The following CCDC7 variants were observed in gnomAD, a reference collection of about 807,000 sequenced individuals.
CCDC7 encodes coiled-coil domain-containing protein 7.
A neutral mutation model predicts 196.9 loss-of-function variants in CCDC7; 183 were observed. The ratio of observed to expected loss-of-function variants is 0.93; its 90% CI spans 0.82 to 1.05. The LOEUF (loss-of-function observed/expected upper bound fraction) is 1.05. CCDC7 is among the 50% of genes least tolerant of loss of function. CCDC7 has a pLI of 0.00. For synonymous variants in CCDC7, 525 were observed against 484.6 expected (o/e 1.08, Z -1.10); for missense variants, 1,540 against 1,482.2 (o/e 1.04, Z -0.64).
chr10:32,853,686 C>T (rs898146829), intron 40 of CCDC7, among the ~76,000 whole-genome samples: 2 of 152,100 alleles, frequency 1.3e-5, no homozygotes, highest in African/African-American at 2.4e-5. Context: ...AGTATCTCCT[C>T]CTTAATTATA....
At chr10:32,601,038 C>T (rs1422365765) in intron 18 of CCDC7, among the ~76,000 whole-genome samples, 1 of 152,076 alleles carries the variant, frequency 6.6e-6, no homozygotes, top group Non-Finnish European at 1.5e-5. Flanking sequence ...CATCCCACTG[C>T]CTCTGGCCTC....
intron 18 of CCDC7, among the ~76,000 whole-genome samples, chr10:32,619,907 T>C (rs2063198610): frequency 7.7e-6 from 1 of 129,556 alleles, no homozygotes; most frequent in African/African-American, 2.8e-5. Flanking sequence ...CCCTTCAATG[T>C]ACCTTTTTTT....
At chr10:32,469,236 CAG>C (rs60368499) in intron 5 of CCDC7, among the ~76,000 whole-genome samples, 6,769 of 152,196 alleles carry the variant, frequency 0.044, 503 homozygotes, top group African/African-American at 0.15. Context: ...ATTATTGTAA[CAG>C]AGGAATATCT....
chr10:32,672,751 G>A (rs910549496), intron 21 of CCDC7, among the ~76,000 whole-genome samples: 1 of 152,132 alleles, frequency 6.6e-6, no homozygotes, highest in Non-Finnish European at 1.5e-5. Flanking sequence ...TGGTGTCTAA[G>A]ATATGCTGAC....
chr10:32,587,458 T>G (rs1040673094), intron 18 of CCDC7, among the ~76,000 whole-genome samples: 11 of 152,234 alleles, frequency 7.2e-5, no homozygotes, highest in Admixed American at 1.3e-4. Flanking sequence ...ACTTACCCCC[T>G]CCTACAATAA....
chr10:32,709,071 C>G (rs1304563381), intron 24 of CCDC7, among the ~76,000 whole-genome samples: 2 of 152,080 alleles, frequency 1.3e-5, no homozygotes, highest in Non-Finnish European at 2.9e-5. Context: ...GGAACCAACC[C>G]AAATGTCCCT....
chr10:32,804,396 A>T (rs575586658), intron 29 of CCDC7, among the ~76,000 whole-genome samples: 20 of 152,296 alleles, frequency 1.3e-4, no homozygotes, highest in African/African-American at 4.6e-4. Flanking sequence ...CGAGGTCCAC[A>T]TGGTAAAGGG....
In CCDC7 at chr10:32,702,186, T is replaced by G. The variant is rs886303763; in HGVS notation, c.2458+7194T>G. ...CTATAAATTTCCCTCTACACACTGC[T>G]TTGAATGTGTCCCAGAGATTCTGGT... is the stretch of plus-strand genomic sequence containing the variant. On this transcript the variant is annotated intron_variant, in intron 24 of 41. Transcript: ENST00000639629. Among the ~76,000 whole-genome samples the G allele has an allele frequency of 2.7e-4, 41 of 152,240 alleles. 1 individual carries two copies. Among genetic ancestry groups the G allele is most frequent in the Non-Finnish European group, 1.3e-4 (9 of 68,046 alleles).
At chr10:32,666,136 T>C (rs1387487046) in intron 21 of CCDC7, among the ~76,000 whole-genome samples, 1 of 123,744 alleles carries the variant, frequency 8.1e-6, no homozygotes, top group African/African-American at 3.1e-5. Context: ...TTTTTTTTTT[T>C]CATTGACAAA....
exon 2 of CCDC7, chr10:32,453,415 A>G (rs760411137): frequency 1.3e-6 from 2 of 1,548,606 alleles, no homozygotes; most frequent in South Asian, 2.6e-5. Context: ...TAAAGCATGA[A>G]CATGAAGAAT....
rs142801821 is a variant in CCDC7, at chr10:32,861,115, C to CAAAAAA, written c.4111+6640_4111+6645dup. ...CCTGCATAGCCAAGACAATCATAAGCAAAAAAAAAAAAAAAAAAAGAAAGC... is the reference window on the plus strand; with the variant it reads ...CCTGCATAGCCAAGACAATCATAAGCAAAAAAAAAAAAAAAAAAAAAAAAAGAAAGC... On this transcript the variant is annotated intron_variant, in intron 41 of 41. Coordinates refer to ENST00000639629, the Ensembl canonical transcript of CCDC7. 1.8e-3 allele frequency among the ~76,000 whole-genome samples: 177 copies of CAAAAAA among 96,974 alleles called. 4 individuals carry two copies. Among genetic ancestry groups the CAAAAAA allele is most frequent in the East Asian group, 3.9e-3 (13 of 3,326 alleles). The allele number at this position is 96,974 out of a possible 152,430, so 63.6% of individuals were successfully genotyped here.
intron 28 of CCDC7, among the ~76,000 whole-genome samples, chr10:32,758,208 C>G (rs1198801152): frequency 6.6e-6 from 1 of 152,156 alleles, no homozygotes; most frequent in Non-Finnish European, 1.5e-5. Context: ...TGAAACTATT[C>G]CAATGAATAG....
At chr10:32,815,907 C>G (rs751844847) in intron 31 of CCDC7, among the ~76,000 whole-genome samples, 30 of 152,190 alleles carry the variant, frequency 2.0e-4, no homozygotes, top group Admixed American at 3.3e-4. Flanking sequence ...CAGTCCACAG[C>G]TCCCAGTGTG....
intron 28 of CCDC7, among the ~76,000 whole-genome samples, chr10:32,752,081 G>C (rs141023269): frequency 3.9e-4 from 60 of 152,202 alleles, no homozygotes; most frequent in African/African-American, 1.3e-3. Flanking sequence ...GACAATTTCA[G>C]CACTCAGCAG....
chr10:32,686,888 A>G (rs1051078182), intron 22 of CCDC7, among the ~76,000 whole-genome samples: 5 of 152,222 alleles, frequency 3.3e-5, no homozygotes, highest in African/African-American at 9.6e-5. Context: ...GGAGTCATCA[A>G]CGTCGTAGAA....
intron 4 of CCDC7, 97 bp from the exon 6 acceptor site, chr10:32,462,920 C>A: frequency 2.0e-6 from 3 of 1,537,006 alleles, no homozygotes; most frequent in South Asian, 1.2e-5. Flanking sequence ...GATGAAGATT[C>A]AGAGACACAG....
intron 28 of CCDC7, among the ~76,000 whole-genome samples, chr10:32,776,143 A>G (rs1336193328): frequency 6.9e-6 from 1 of 145,464 alleles, no homozygotes; most frequent in Non-Finnish European, 1.5e-5. Context: ...GGGTGGGGGA[A>G]TGGGGGAGGG....
chr10:32,624,940 G>A (rs1356804583), intron 18 of CCDC7, among the ~76,000 whole-genome samples: 3 of 147,526 alleles, frequency 2.0e-5, no homozygotes, highest in African/African-American at 5.0e-5. Flanking sequence ...CCAGTCCATA[G>A]GTTGCCTTTT....
chr10:32,508,932 A>ATTT lies in CCDC7; in HGVS notation c.873-8995_873-8993dup, dbSNP rs4016795. Among the ~76,000 whole-genome samples, 99 of 117,068 alleles carry ATTT rather than the reference A, an allele frequency of 8.5e-4. 4 individuals carry two copies. Among genetic ancestry groups the ATTT allele is most frequent in the Admixed American group, 1.3e-3 (13 of 9,976 alleles). 76.8% of individuals were successfully genotyped at this position (117,068 alleles called of 152,430 possible). A position where few individuals can be genotyped will look rare whatever the true frequency, so the allele number is the denominator to read the frequency against. On this transcript the variant is annotated intron_variant, in intron 9 of 41. Transcript: ENST00000639629. ...ACAGGCATGAGCCACTGTGCCTGGC[A>ATTT]TTTTTTTTTTTTTTTTTTTTGAAAT...
Sources: allele counts gnomAD v4.1 joint callset (sites outside exome capture counted in the v4.1 genomes callset), GRCh38; gene constraint gnomAD v4.1.1; transcripts MANE v1.5; gene names NCBI Gene and HGNC (gene_info 2026-07-23, HGNC 2026-07-21).